NEK11: variants seen among roughly 807,000 people sequenced by gnomAD.
NEK11 encodes serine/threonine-protein kinase Nek11.
In NEK11, 72 loss-of-function variants were observed where a neutral mutation model predicts 80.7. The ratio of observed to expected loss-of-function variants is 0.89; its 90% CI spans 0.74 to 1.08. The LOEUF (loss-of-function observed/expected upper bound fraction) is 1.08, where lower values mean the gene tolerates loss of function less well. Among genes scored for constraint, NEK11 ranks in the 50% least tolerant of loss-of-function variants. The probability of loss-of-function intolerance (pLI) is 0.00; values close to 1 mark genes in which losing one functional copy is unlikely to be tolerated. For missense variants in NEK11, 764 were observed against 763.6 expected, an observed-to-expected ratio of 1.00 and a Z score of -0.01; for synonymous variants, 251 against 260.7, an observed-to-expected ratio of 0.96 and a Z score of 0.36.
intron 3 of NEK11, among the ~76,000 whole-genome samples, chr3:131,045,978 A>T (rs1431232542): frequency 6.6e-5 from 10 of 151,888 alleles, no homozygotes; most frequent in Admixed American, 6.6e-4. Flanking sequence ...CCACCCCTTT[A>T]CCTTAAGTTT....
chr3:131,312,463 A>G (rs1157694527), intron 17 of NEK11, among the ~76,000 whole-genome samples: 1 of 152,148 alleles, frequency 6.6e-6, no homozygotes, highest in African/African-American at 2.4e-5. Context: ...ATATGTACAG[A>G]GAAGACCTAG....
intron 17 of NEK11, among the ~76,000 whole-genome samples, chr3:131,349,315 C>T (rs2097419084): frequency 6.6e-6 from 1 of 152,078 alleles, no homozygotes; most frequent in African/African-American, 2.4e-5. Context: ...CAGGACTTTG[C>T]CTAACTTGTT....
chr3:131,172,286 T>C (rs1001673215), intron 14 of NEK11, among the ~76,000 whole-genome samples: 8 of 152,222 alleles, frequency 5.3e-5, no homozygotes, highest in Non-Finnish European at 8.8e-5. Flanking sequence ...AGTGCATCCT[T>C]ATGGCTGCAC....
At chr3:131,116,848 T>C (rs2081318740) in intron 5 of NEK11, among the ~76,000 whole-genome samples, 1 of 152,226 alleles carries the variant, frequency 6.6e-6, no homozygotes, top group African/African-American at 2.4e-5. Flanking sequence ...GTAAATTTGT[T>C]TAAGTTCTTT....
rs2074595449 is a variant in NEK11 at position 131,077,740 on chromosome 3, T to C, written c.171-2683T>C. Among the ~76,000 whole-genome samples, 6 of 152,224 alleles carry C rather than the reference T, an allele frequency of 3.9e-5. No homozygotes were observed. In the South Asian group the frequency reaches 1.2e-3, roughly 31 times the overall value. On this transcript the variant is annotated intron_variant, in intron 3 of 17. Coordinates refer to ENST00000383366, the MANE Select transcript of NEK11 (RefSeq NM_024800.5). Reference sequence around the variant, plus strand: ...GAAAAGCTCTATGAAGATGTCTTTGTGCTTCGCCTGCTGCTTTGTAATCTT... The same window carrying C: ...GAAAAGCTCTATGAAGATGTCTTTGCGCTTCGCCTGCTGCTTTGTAATCTT...
intron 14 of NEK11, among the ~76,000 whole-genome samples, chr3:131,187,771 G>A (rs2150241591): frequency 6.6e-6 from 1 of 152,252 alleles, no homozygotes; most frequent in South Asian, 2.1e-4. Flanking sequence ...TGCTGCCTCA[G>A]ACCATAGTGT....
At chr3:131,309,987 TAAAAAAAAA>T (rs558210123) in intron 17 of NEK11, among the ~76,000 whole-genome samples, 1,956 of 23,192 alleles carry the variant, frequency 0.084, 50 homozygotes, top group East Asian at 0.18. Context: ...AGACCATGTT[TAAAAAAAAA>T]AAAAAAAAAA....
intron 17 of NEK11, among the ~76,000 whole-genome samples, chr3:131,341,700 TTC>T (rs2097289482): frequency 1.3e-5 from 2 of 152,216 alleles, no homozygotes; most frequent in Admixed American, 6.5e-5. Flanking sequence ...TCATTTAGAA[TTC>T]TTTTTTTCTT....
intron 17 of NEK11, among the ~76,000 whole-genome samples, chr3:131,303,808 G>T (rs1341497797): frequency 2.0e-5 from 3 of 152,096 alleles, no homozygotes; most frequent in Non-Finnish European, 2.9e-5. Flanking sequence ...TGACCTTGGA[G>T]AATCTGAGGA....
intron 14 of NEK11, among the ~76,000 whole-genome samples, chr3:131,192,515 G>C (rs2093837162): frequency 6.6e-6 from 1 of 152,166 alleles, no homozygotes; most frequent in Admixed American, 6.6e-5. Context: ...ATTCACCATA[G>C]CCAAAAGGTG....
intron 17 of NEK11, among the ~76,000 whole-genome samples, chr3:131,331,045 A>C (rs1436675969): frequency 1.3e-5 from 2 of 152,198 alleles, no homozygotes; most frequent in Non-Finnish European, 1.5e-5. Context: ...ATTACTTCTT[A>C]CAGGTCCCAC....
chr3:131,215,206 A>G (rs1469316217), intron 14 of NEK11, among the ~76,000 whole-genome samples: 2 of 146,550 alleles, frequency 1.4e-5, no homozygotes, highest in Non-Finnish European at 3.0e-5. Context: ...TCTCACTCAT[A>G]GGTGGGAATT....
intron 4 of NEK11, among the ~76,000 whole-genome samples, chr3:131,088,997 T>C (rs1003237500): frequency 7.9e-5 from 12 of 152,230 alleles, no homozygotes; most frequent in African/African-American, 2.7e-4. Flanking sequence ...TCCTAAGTAA[T>C]GAAACAGAGT....
intron 3 of NEK11, among the ~76,000 whole-genome samples, chr3:131,032,759 C>T (rs16835576): frequency 0.01 from 1,542 of 152,220 alleles, 21 homozygotes; most frequent in East Asian, 0.073. Context: ...AATAAGAATA[C>T]GATATCTGCC....
chr3:131,125,906 T>A, intron 5 of NEK11, among the ~76,000 whole-genome samples: 1 of 152,282 alleles, frequency 6.6e-6, no homozygotes, highest in African/African-American at 2.4e-5. Context: ...GATCTTGAAA[T>A]CTCTAGCAGG....
intron 17 of NEK11, among the ~76,000 whole-genome samples, chr3:131,282,517 TCTC>T (rs989794057): frequency 6.6e-6 from 1 of 152,178 alleles, no homozygotes; most frequent in Non-Finnish European, 1.5e-5. Flanking sequence ...AGATGCCTGT[TCTC>T]CTCCCCAGGT....
At position 131,027,025 on chromosome 3, in the gene NEK11, C is replaced by T. The variant is rs1431190712; in HGVS notation, c.-170+19C>T. The T allele has an allele frequency of 6.6e-6, 1 of 152,390 alleles. No individual in the cohort carries two copies. The highest frequency in any genetic ancestry group is 2.1e-4 in the South Asian group (1 of 4,822). The allele number at this position is 152,390 out of a possible 1,614,324, so 9.4% of individuals were successfully genotyped here. A position where few individuals can be genotyped will look rare whatever the true frequency, so the allele number is the denominator to read the frequency against. On this transcript the variant is annotated intron_variant, in intron 1 of 17. Transcript: ENST00000383366. ...GGGAAAGGTAAAGCGAACTGTCCTC[C>T]TTGGGGCTAGCCAGGCTCCCCTGCG...
At chr3:131,037,369 C>T (rs371867581) in intron 3 of NEK11, among the ~76,000 whole-genome samples, 24 of 151,934 alleles carry the variant, frequency 1.6e-4, no homozygotes, top group African/African-American at 5.8e-4. Flanking sequence ...CTGCAGCCTC[C>T]ATCTCCCAGT....
chr3:131,101,199 C>T (rs1000085072), intron 4 of NEK11, among the ~76,000 whole-genome samples: 36 of 152,086 alleles, frequency 2.4e-4, no homozygotes, highest in African/African-American at 8.0e-4. Context: ...TGTCACTGAC[C>T]TTTTGTATAG....
Sources: allele counts gnomAD v4.1 joint callset (sites outside exome capture counted in the v4.1 genomes callset), GRCh38; gene constraint gnomAD v4.1.1; transcripts MANE v1.5; gene names NCBI Gene and HGNC (gene_info 2026-07-23, HGNC 2026-07-21).